The following PDPK1 variants were observed in gnomAD, a reference collection of about 807,000 sequenced individuals.
The protein encoded by PDPK1 is 3-phosphoinositide dependent protein kinase 1.
PDPK1 carries 7 observed loss-of-function variants against 39.8 expected under a neutral mutation model. The ratio of observed to expected loss-of-function variants is 0.18; its 90% confidence interval spans 0.10 to 0.33. The LOEUF is 0.33. PDPK1 is among the 10% of genes least tolerant of loss of function. The pLI, the probability that PDPK1 is intolerant of heterozygous loss-of-function variation, is 1.00. For missense variants in PDPK1, 182 were observed against 384.7 expected (o/e 0.47, Z 4.41); for synonymous variants, 118 against 159.1 (o/e 0.74, Z 1.95).
At chr16:2,540,683 T>A (rs1597012778) in intron 1 of PDPK1, among the ~76,000 whole-genome samples, 1 of 152,172 alleles carries the variant, frequency 6.6e-6, no homozygotes. Flanking sequence ...GGCTGAACTC[T>A]GTGACCCCGG....
In PDPK1 at chr16:2,539,110, C is replaced by T. The variant is rs1489254945; in HGVS notation, c.24+974C>T. On this transcript the variant is annotated intron_variant, in intron 1 of 13. Coordinates refer to ENST00000342085, the MANE Select transcript of PDPK1 (RefSeq NM_002613.5). ...TTTTTTTTTTTTTTGATGGAGTCTC[C>T]CTCTCGACGCGCAGGCTGGAGTGCA... is the stretch of plus-strand genomic sequence containing the variant. 4 of 208,264 alleles carry T rather than the reference C, an allele frequency of 1.9e-5. No homozygotes were observed. In the East Asian group the frequency reaches 4.5e-4, roughly 24 times the overall value. 12.9% of individuals were successfully genotyped at this position (208,264 alleles called of 1,614,324 possible).
intron 1 of PDPK1, among the ~76,000 whole-genome samples, chr16:2,546,103 A>G (rs1025775021): frequency 1.3e-5 from 2 of 152,108 alleles, no homozygotes; most frequent in African/African-American, 4.8e-5. Flanking sequence ...TTTTTTTTCA[A>G]GATGGAGTCT....
At position 2,538,856 on chromosome 16, in the gene PDPK1, T is replaced by C. The variant is rs146264069; in HGVS notation, c.24+720T>C. ...TAAAAGTGTCGCTGGTGTTTCTATA[T>C]TTTCTCTCTATCGCTAAAAGTATCC... is the stretch of plus-strand genomic sequence containing the variant. On this transcript the variant is annotated intron_variant, in intron 1 of 13. Coordinates refer to ENST00000342085, the MANE Select transcript of PDPK1 (RefSeq NM_002613.5). 560 of 966,780 alleles carry C rather than the reference T, an allele frequency of 5.8e-4. 3 individuals carry two copies. In the East Asian group the frequency reaches 0.027, roughly 46 times the overall value. The allele number at this position is 966,780 out of a possible 1,614,324, so 59.9% of individuals were successfully genotyped here. A position where few individuals can be genotyped will look rare whatever the true frequency, so the allele number is the denominator to read the frequency against.
intron 1 of PDPK1, among the ~76,000 whole-genome samples, chr16:2,546,648 A>G (rs1456980856): frequency 1.3e-5 from 2 of 152,134 alleles, no homozygotes; most frequent in African/African-American, 2.4e-5. Flanking sequence ...TGGCCCTTCT[A>G]ACCTTAAGCT....
intron 11 of PDPK1, among the ~76,000 whole-genome samples, chr16:2,591,390 G>A (rs1260969434): frequency 1.3e-5 from 2 of 152,210 alleles, no homozygotes; most frequent in African/African-American, 4.8e-5. Flanking sequence ...CCCTAGTGCA[G>A]GGTAGATTGA....
At chr16:2,585,689 G>A (rs534219971) in intron 10 of PDPK1, among the ~76,000 whole-genome samples, 11 of 152,326 alleles carry the variant, frequency 7.2e-5, no homozygotes, top group East Asian at 1.9e-4. Flanking sequence ...CGGCAGCGTC[G>A]GGCGTTTCCA....
chr16:2,558,467 G>T (rs758320), intron 2 of PDPK1, among the ~76,000 whole-genome samples: 82 of 149,896 alleles, frequency 5.5e-4, no homozygotes, highest in African/African-American at 1.5e-3. Flanking sequence ...AGCCTCCAGA[G>T]TCTTGTGTTC....
chr16:2,551,674 T>TG (rs1170927075), intron 1 of PDPK1, among the ~76,000 whole-genome samples: 3 of 138,394 alleles, frequency 2.2e-5, no homozygotes, highest in African/African-American at 1.0e-4. Context: ...TTTTTTTTTT[T>TG]TTTTGTTTTT....
rs772875067 is a variant in PDPK1, at chr16:2,593,985, ACTC to A, written c.1344-1804_1344-1802del. 4 of 151,960 alleles carry A rather than the reference ACTC, an allele frequency of 2.6e-5. No individual in the cohort carries two copies. The highest frequency in any genetic ancestry group is 6.6e-5 in the Admixed American group (1 of 15,260). The allele number at this position is 151,960 out of a possible 1,614,324, so 9.4% of individuals were successfully genotyped here. A position where few individuals can be genotyped will look rare whatever the true frequency, so the allele number is the denominator to read the frequency against. On this transcript the variant is annotated intron_variant, in intron 11 of 13. Coordinates refer to ENST00000342085, the MANE Select transcript of PDPK1 (RefSeq NM_002613.5). This position sits in a 1 kb window ranked among gnomAD's most constrained non-coding sequence, Gnocchi z 4.2. ...GGCTGCACTTGCCCGCATGCCACAC[ACTC>A]CTCTTGCTTCAGACCCACAGGATGG...
At chr16:2,584,853 A>G (rs981509370) in intron 10 of PDPK1, among the ~76,000 whole-genome samples, 9 of 152,094 alleles carry the variant, frequency 5.9e-5, no homozygotes, top group Admixed American at 1.3e-4. Context: ...TGCAGCTTTC[A>G]TGTATGCAGA....
chr16:2,603,143 T>A lies in PDPK1; in HGVS notation c.*5376T>A, dbSNP rs189105574. On this transcript the variant is annotated 3_prime_UTR_variant, in exon 14 of 14. Coordinates refer to ENST00000342085, the MANE Select transcript of PDPK1 (RefSeq NM_002613.5). ...GGTGTAGTTACCAGATGATGAATTTTCCTCGTATGGTCAGTAGTCTTGTAA... is the reference window on the plus strand; with the variant it reads ...GGTGTAGTTACCAGATGATGAATTTACCTCGTATGGTCAGTAGTCTTGTAA... 2 of 223,700 alleles carry A rather than the reference T, an allele frequency of 8.9e-6. No individual in the cohort carries two copies. The highest frequency in any genetic ancestry group is 5.7e-5 in the Admixed American group (1 of 17,462). 13.9% of individuals were successfully genotyped at this position (223,700 alleles called of 1,614,324 possible).
At position 2,601,614 on chromosome 16, in the gene PDPK1, G is replaced by A. The variant is rs2067217262; in HGVS notation, c.*3847G>A. 1 of 233,826 alleles carries A rather than the reference G, an allele frequency of 4.3e-6. No individual in the cohort carries two copies. The highest frequency in any genetic ancestry group is 1.8e-4 in the South Asian group (1 of 5,512). The allele number at this position is 233,826 out of a possible 1,614,324, so 14.5% of individuals were successfully genotyped here. A position where few individuals can be genotyped will look rare whatever the true frequency, so the allele number is the denominator to read the frequency against. On this transcript the variant is annotated 3_prime_UTR_variant, in exon 14 of 14. Transcript: ENST00000342085. ...ACTCAGAAGGTATATTAGGACATTT[G>A]GAATCAGTAGCAGAGCAAAGCCTCT... is the stretch of plus-strand genomic sequence containing the variant.
At chr16:2,540,673 G>A (rs1211317254) in intron 1 of PDPK1, among the ~76,000 whole-genome samples, 47 of 149,210 alleles carry the variant, frequency 3.1e-4, no homozygotes, top group African/African-American at 1.2e-3. Flanking sequence ...TTTGGCAGAT[G>A]GCTGAACTCT....
chr16:2,538,776 G>A lies in PDPK1; in HGVS notation c.24+640G>A, dbSNP rs757501933. On this transcript the variant is annotated intron_variant, in intron 1 of 13. Coordinates refer to ENST00000342085, the MANE Select transcript of PDPK1 (RefSeq NM_002613.5). ...AGGGGAAAGTGAGCTTGACAGGTAG[G>A]AGGGATTTTAGGGGAAGGACCAAAA... The A allele has an allele frequency of 1.6e-5, 20 of 1,280,600 alleles. No homozygotes were observed. The South Asian group carries it at 2.2e-4, about 14-fold the overall frequency. The allele number at this position is 1,280,600 out of a possible 1,614,324, so 79.3% of individuals were successfully genotyped here.
chr16:2,594,165 AG>A (rs2067051464), intron 11 of PDPK1: 1 of 152,378 alleles, frequency 6.6e-6, no homozygotes, highest in Non-Finnish European at 1.5e-5. Context: ...TCTTCTCACA[AG>A]TGCTGTTGGC....
Position 2,601,634 on chromosome 16 carries a change from G to A in PDPK1, c.*3867G>A, listed in dbSNP as rs2067217713. The A allele has an allele frequency of 4.3e-6, 1 of 233,506 alleles. No individual in the cohort carries two copies. The highest frequency in any genetic ancestry group is 8.5e-6 in the Non-Finnish European group (1 of 117,302). The allele number at this position is 233,506 out of a possible 1,614,324, so 14.5% of individuals were successfully genotyped here. On this transcript the variant is annotated 3_prime_UTR_variant, in exon 14 of 14. Transcript: ENST00000342085. ...CATTTGGAATCAGTAGCAGAGCAAA[G>A]CCTCTTTGAAAAAAACCACGTAGCT...
intron 12 of PDPK1, 64 bp downstream of exon 12, chr16:2,595,914 G>C: frequency 1.6e-6 from 2 of 1,230,286 alleles, no homozygotes; most frequent in Non-Finnish European, 2.4e-6. Flanking sequence ...TCCAGCTTAG[G>C]GGAGGGCAGC....
intron 1 of PDPK1, among the ~76,000 whole-genome samples, chr16:2,544,516 T>A (rs1163650075): frequency 6.6e-6 from 1 of 152,010 alleles, no homozygotes; most frequent in Non-Finnish European, 1.5e-5. Flanking sequence ...ATCCCTAGCC[T>A]TTTCACCTGG....
chr16:2,590,239 G>A (rs2066961947), intron 11 of PDPK1, among the ~76,000 whole-genome samples: 1 of 152,136 alleles, frequency 6.6e-6, no homozygotes, highest in African/African-American at 2.4e-5. Context: ...TCCTGCCTCA[G>A]CCTCCCAAGT....
Sources: gnomAD v4.1 joint callset for allele counts (sites outside exome capture counted in the v4.1 genomes callset) on GRCh38, gnomAD v4.1.1 for gene constraint, Gnocchi (gnomAD v3.1) non-coding constraint, MANE v1.5 for transcripts, NCBI Gene and HGNC (gene_info 2026-07-23, HGNC 2026-07-21) for gene names.